The following TTLL11 variants were observed in gnomAD, a reference collection of about 807,000 sequenced individuals.
TTLL11 encodes tubulin polyglutamylase TTLL11.
TTLL11 carries 42 observed loss-of-function variants against 51.7 expected under a neutral mutation model. The observed-to-expected ratio is 0.81, with a 90% CI of 0.64 to 1.05. The LOEUF (loss-of-function observed/expected upper bound fraction) is 1.05, where lower values mean the gene tolerates loss of function less well. Among genes scored for constraint, TTLL11 ranks in the 50% least tolerant of loss-of-function variants. The probability of loss-of-function intolerance (pLI) is 0.00; values close to 1 mark genes in which losing one functional copy is unlikely to be tolerated. For synonymous variants in TTLL11, 381 were observed against 383.5 expected (o/e 0.99, Z 0.08); for missense variants, 799 against 940.4 (o/e 0.85, Z 1.97).
chr9:122,041,040 G>C (rs1844832855), intron 1 of TTLL11, among the ~76,000 whole-genome samples: 1 of 152,172 alleles, frequency 6.6e-6, no homozygotes, highest in African/African-American at 2.4e-5. Context: ...CACCTTGTCA[G>C]TGGGCAACCC....
intron 6 of TTLL11, among the ~76,000 whole-genome samples, chr9:121,899,652 C>T (rs1249691107): frequency 6.6e-6 from 1 of 152,048 alleles, no homozygotes; most frequent in Admixed American, 6.6e-5. Flanking sequence ...AATCCTCCTG[C>T]CTCAGTCTCC....
At chr9:121,919,591 T>C (rs1473911759) in intron 6 of TTLL11, among the ~76,000 whole-genome samples, 3 of 152,182 alleles carry the variant, frequency 2.0e-5, no homozygotes, top group African/African-American at 7.2e-5. Context: ...GTTCAAAGAT[T>C]CGCTTTGTCC....
At chr9:122,023,200 T>C (rs1267836663) in intron 3 of TTLL11, among the ~76,000 whole-genome samples, 1 of 151,912 alleles carries the variant, frequency 6.6e-6, no homozygotes, top group Non-Finnish European at 1.5e-5. Flanking sequence ...AGTGAAAACT[T>C]AGAAAAAGTA....
At chr9:121,870,212 C>T (rs559637190) in intron 7 of TTLL11, among the ~76,000 whole-genome samples, 8 of 152,168 alleles carry the variant, frequency 5.3e-5, no homozygotes, top group East Asian at 3.9e-4. Flanking sequence ...CTCCAAGGGG[C>T]GATTATTAAT....
chr9:122,028,022 C>T (rs994348006), intron 3 of TTLL11, among the ~76,000 whole-genome samples: 6 of 152,002 alleles, frequency 3.9e-5, no homozygotes, highest in African/African-American at 1.2e-4. Context: ...TGCTGTAAGG[C>T]GCTAATATGT....
At position 121,970,221 on chromosome 9, in the gene TTLL11, A is replaced by G. The variant is rs115854689; in HGVS notation, c.1481+3788T>C. ...ATGAGGTGCTGCTATTTATGACTTG[A>G]TAAGTTGTAAAATGCCTTTCCTATC... On this transcript the variant is annotated intron_variant, in intron 6 of 8. Coordinates refer to ENST00000321582, the MANE Select transcript of TTLL11 (RefSeq NM_001139442.2). Among the ~76,000 whole-genome samples the G allele has an allele frequency of 4.1e-3, 619 of 152,354 alleles. 5 individuals are homozygous for G. Among genetic ancestry groups the G allele is most frequent in the African/African-American group, 0.014 (598 of 41,578 alleles).
chr9:122,074,986 C>A (rs540422579), intron 1 of TTLL11, among the ~76,000 whole-genome samples: 1 of 151,974 alleles, frequency 6.6e-6, no homozygotes, highest in East Asian at 1.9e-4. Context: ...ATTGATGAGT[C>A]CCTTTAAATT....
chr9:122,037,084 G>A (rs1019249105), intron 2 of TTLL11, among the ~76,000 whole-genome samples: 4 of 152,054 alleles, frequency 2.6e-5, no homozygotes, highest in African/African-American at 9.7e-5. Flanking sequence ...TATTCCAAAT[G>A]TAGATCTATA....
chr9:121,826,563 A>ATATATATATGTG (rs1836809236), intron 8 of TTLL11, among the ~76,000 whole-genome samples: 1 of 107,646 alleles, frequency 9.3e-6, no homozygotes, highest in South Asian at 3.0e-4. Context: ...GTGTGTATAT[A>ATATATATATGTG]TATATATATA....
chr9:121,990,126 G>A (rs1588182045), intron 3 of TTLL11, among the ~76,000 whole-genome samples: 3 of 152,294 alleles, frequency 2.0e-5, no homozygotes, highest in East Asian at 3.9e-4. Context: ...ATTTATGAGC[G>A]CCTGTGAAAT....
intron 7 of TTLL11, among the ~76,000 whole-genome samples, chr9:121,864,444 G>T (rs1020625887): frequency 1.3e-5 from 2 of 152,330 alleles, no homozygotes; most frequent in East Asian, 3.9e-4. Context: ...GGAAAGGATA[G>T]GTTAGAAATG....
rs1490211513 is a variant in TTLL11, at chr9:121,820,532, C to A, written c.*2055G>T. 2.6e-5 allele frequency among the ~76,000 whole-genome samples: 4 copies of A among 152,164 alleles called. No individual in the cohort carries two copies. Among genetic ancestry groups the A allele is most frequent in the African/African-American group, 9.7e-5 (4 of 41,424 alleles). ...CAGACCATGACGGACCCCAGGCAGC[C>A]CCGAGCGGGGTAGCTGCAGGGTCTT... On this transcript the variant is annotated 3_prime_UTR_variant, in exon 9 of 9. Coordinates refer to ENST00000321582, the MANE Select transcript of TTLL11 (RefSeq NM_001139442.2).
chr9:122,018,225 GC>G (rs1251377568), intron 3 of TTLL11, among the ~76,000 whole-genome samples: 1 of 147,502 alleles, frequency 6.8e-6, no homozygotes, highest in East Asian at 2.0e-4. Flanking sequence ...TCATTCTTCT[GC>G]CTCAGCCTCC....
In TTLL11 at chr9:121,826,557, G is replaced by GTGTATATATATA. The variant is rs1189626793; in HGVS notation, c.1841-3679_1841-3678insTATATATATACA. Among the ~76,000 whole-genome samples the GTGTATATATATA allele has an allele frequency of 9.4e-3, 484 of 51,320 alleles. 26 individuals carry two copies. The highest frequency in any genetic ancestry group is 0.032 in the African/African-American group (458 of 14,180). 33.7% of individuals were successfully genotyped at this position (51,320 alleles called of 152,430 possible). On this transcript the variant is annotated intron_variant, in intron 8 of 8. Coordinates refer to ENST00000321582, the MANE Select transcript of TTLL11 (RefSeq NM_001139442.2). ...TGTGTGTATATATATATATGTGTGTGTATATATATATATATATATATATAT... is the reference window on the plus strand; with the variant it reads ...TGTGTGTATATATATATATGTGTGTGTGTATATATATATATATATATATATATATATATATAT...
At chr9:121,945,963 G>A (rs1437051310) in intron 6 of TTLL11, among the ~76,000 whole-genome samples, 3 of 151,894 alleles carry the variant, frequency 2.0e-5, no homozygotes, top group Admixed American at 6.6e-5. Flanking sequence ...TCCATCTTTC[G>A]AAAATATAAA....
chr9:121,964,347 G>A (rs1201451828), intron 6 of TTLL11, among the ~76,000 whole-genome samples: 2 of 151,736 alleles, frequency 1.3e-5, no homozygotes, highest in Non-Finnish European at 2.9e-5. Flanking sequence ...GCCTAGGCTG[G>A]AGAGCAATGG....
At chr9:121,929,502 C>CTT (rs1286124523) in intron 6 of TTLL11, among the ~76,000 whole-genome samples, 2 of 152,016 alleles carry the variant, frequency 1.3e-5, no homozygotes, top group African/African-American at 4.8e-5. Context: ...GCTTCTCTCT[C>CTT]AGTCAAGGAA....
chr9:122,083,810 GA>G (rs1338573386), intron 1 of TTLL11, among the ~76,000 whole-genome samples: 2 of 151,340 alleles, frequency 1.3e-5, no homozygotes, highest in East Asian at 1.9e-4. Context: ...ACTCTATCTC[GA>G]AAAAAAAGAA....
chr9:121,887,805 G>A (rs946626125), intron 6 of TTLL11, among the ~76,000 whole-genome samples: 8 of 152,142 alleles, frequency 5.3e-5, no homozygotes, highest in African/African-American at 1.9e-4. Flanking sequence ...CCCAGGGGAG[G>A]AGTGGGATGT....
Sources: gnomAD v4.1 joint callset for allele counts (sites outside exome capture counted in the v4.1 genomes callset) on GRCh38, gnomAD v4.1.1 for gene constraint, MANE v1.5 for transcripts, NCBI Gene and HGNC (gene_info 2026-07-23, HGNC 2026-07-21) for gene names.